Variants in LRP12 observed in about 807,000 individuals in gnomAD.
LRP12 encodes LDL receptor related protein 12, also known as low-density lipoprotein receptor-related protein 12.
In LRP12, 14 loss-of-function variants were observed where a neutral mutation model predicts 66.0. That is an observed-to-expected ratio of 0.21 (90% CI 0.14 to 0.33). The LOEUF (loss-of-function observed/expected upper bound fraction) is 0.33. Ranked by LOEUF, LRP12 falls within the 10% of genes least tolerant of loss-of-function variation. The pLI is 1.00. For synonymous variants in LRP12, 357 were observed against 359.1 expected (o/e 0.99, Z 0.07); for missense variants, 889 against 1,053.4 (o/e 0.84, Z 2.16).
intron 2 of LRP12, among the ~76,000 whole-genome samples, chr8:104,523,993 A>G (rs1264811983): frequency 6.6e-6 from 1 of 152,044 alleles, no homozygotes; most frequent in East Asian, 1.9e-4. Context: ...CACCTGTAAT[A>G]CCAGCACTTT....
In LRP12 at chr8:104,491,211, G is replaced by A; in HGVS notation, c.2042C>T (p.Pro681Leu). ...VAAPLPQKVP[P>L]TTAVEATVGA... ...TACTGTCGCTTCTACTGCCGTTGTG[G>A]GAGGGACTTTTTGAGGCAAAGGAGC... Residue 681 changes from proline (P) to leucine (L), a missense_variant, in exon 7 of 7, where the codon CCC becomes CTC. Pro to Leu is a moderately conservative substitution (Grantham distance 98). Transcript: ENST00000276654. 3 of 1,614,052 alleles carry A rather than the reference G, an allele frequency of 1.9e-6. No homozygotes were observed. The highest frequency in any genetic ancestry group is 2.5e-6 in the Non-Finnish European group (3 of 1,180,014).
At chr8:104,524,166 C>T (rs1414033141) in intron 2 of LRP12, among the ~76,000 whole-genome samples, 1 of 149,626 alleles carries the variant, frequency 6.7e-6, no homozygotes, top group East Asian at 2.0e-4. Flanking sequence ...GGCTTGAGCC[C>T]AGGAGGTGGA....
intron 1 of LRP12, among the ~76,000 whole-genome samples, chr8:104,544,775 T>C (rs1000718495): frequency 3.9e-5 from 6 of 152,136 alleles, no homozygotes; most frequent in Admixed American, 3.9e-4. Flanking sequence ...TGCTGGCAAT[T>C]CACCTGGTCA....
chr8:104,512,186 G>A (rs892606181), intron 2 of LRP12, among the ~76,000 whole-genome samples: 13 of 152,040 alleles, frequency 8.6e-5, no homozygotes, highest in Non-Finnish European at 2.9e-5. Flanking sequence ...GTGTGGTGGC[G>A]TGCACCTGTA....
rs28718437 is a variant in LRP12, at chr8:104,509,878, T to C, written c.137-804A>G. ...AGTTAAGATGGAAAAGGCATTAAAC[T>C]GGACAGCAATCAGGTTTGGTACTCT... On this transcript the variant is annotated intron_variant, in intron 2 of 6. Transcript: ENST00000276654. 5.5e-3 allele frequency among the ~76,000 whole-genome samples: 836 copies of C among 152,326 alleles called. 1 individual carries two copies. Among genetic ancestry groups the C allele is most frequent in the African/African-American group, 0.019 (772 of 41,578 alleles).
At chr8:104,492,032 C>T (rs1166440068) in intron 6 of LRP12, among the ~76,000 whole-genome samples, 4 of 151,266 alleles carry the variant, frequency 2.6e-5, no homozygotes, top group Non-Finnish European at 5.9e-5. Context: ...TTTTCCAAAA[C>T]ATGTGAAAAT....
At chr8:104,521,310 C>G (rs1211288365) in intron 2 of LRP12, among the ~76,000 whole-genome samples, 1 of 151,464 alleles carries the variant, frequency 6.6e-6, no homozygotes, top group Non-Finnish European at 1.5e-5. Flanking sequence ...TTGGGATAGT[C>G]AACCTGTAAT....
chr8:104,536,928 A>T (rs1204512489), intron 1 of LRP12, among the ~76,000 whole-genome samples: 1 of 152,086 alleles, frequency 6.6e-6, no homozygotes, highest in Non-Finnish European at 1.5e-5. Flanking sequence ...GTTGGAAGAC[A>T]TGGCAGAAGA....
chr8:104,573,811 A>G (rs1057042611), intron 1 of LRP12, among the ~76,000 whole-genome samples: 26 of 152,016 alleles, frequency 1.7e-4, no homozygotes, highest in Admixed American at 1.5e-3. Context: ...CAAGCAGAAG[A>G]AGAGGGAGGT....
intron 3 of LRP12, chr8:104,506,346 G>A (rs767943355): frequency 2.2e-4 from 33 of 152,054 alleles, no homozygotes; most frequent in Non-Finnish European, 4.4e-4. Context: ...GTAAATTTGA[G>A]TTCCAACTTA....
At chr8:104,548,558 TATAG>T (rs1564142449) in intron 1 of LRP12, among the ~76,000 whole-genome samples, 1 of 128,510 alleles carries the variant, frequency 7.8e-6, no homozygotes, top group African/African-American at 3.2e-5. Context: ...TTGTATATGA[TATAG>T]AATTATAATT....
intron 1 of LRP12, among the ~76,000 whole-genome samples, chr8:104,571,147 C>T (rs554693711): frequency 9.5e-4 from 145 of 152,266 alleles, no homozygotes; most frequent in African/African-American, 2.8e-3. Flanking sequence ...CTCTGGAAAA[C>T]GGTTTGGTAG....
intron 1 of LRP12, among the ~76,000 whole-genome samples, chr8:104,552,616 T>A (rs970539206): frequency 1.3e-5 from 2 of 152,200 alleles, no homozygotes; most frequent in African/African-American, 4.8e-5. Context: ...AAGTACTATC[T>A]TCCAGTTAAC....
At chr8:104,521,306 T>G (rs899739974) in intron 2 of LRP12, among the ~76,000 whole-genome samples, 6 of 151,826 alleles carry the variant, frequency 4.0e-5, no homozygotes, top group African/African-American at 1.4e-4. Context: ...AGATTTGGGA[T>G]AGTCAACCTG....
intron 1 of LRP12, among the ~76,000 whole-genome samples, chr8:104,583,048 T>A (rs531125261): frequency 6.6e-6 from 1 of 152,198 alleles, no homozygotes; most frequent in East Asian, 1.9e-4. Context: ...CACTCCTTTA[T>A]CTCCACTACT....
At chr8:104,546,773 T>C (rs1054578602) in intron 1 of LRP12, among the ~76,000 whole-genome samples, 31 of 151,514 alleles carry the variant, frequency 2.0e-4, no homozygotes, top group Admixed American at 2.0e-4. Context: ...TGACCTCTTT[T>C]AGAAGAGGCA....
intron 1 of LRP12, among the ~76,000 whole-genome samples, chr8:104,537,698 C>T (rs1314421668): frequency 6.6e-6 from 1 of 152,092 alleles, no homozygotes; most frequent in African/African-American, 2.4e-5. Flanking sequence ...GAAAACAGTT[C>T]TTTCAAGATG....
At chr8:104,556,594 A>G (rs1473185242) in intron 1 of LRP12, among the ~76,000 whole-genome samples, 1 of 152,202 alleles carries the variant, frequency 6.6e-6, no homozygotes, top group Non-Finnish European at 1.5e-5. Flanking sequence ...TGAACAGATC[A>G]ATAACAAGCA....
chr8:104,530,912 T>A (rs766704168), intron 2 of LRP12, among the ~76,000 whole-genome samples: 1 of 152,102 alleles, frequency 6.6e-6, no homozygotes, highest in Non-Finnish European at 1.5e-5. Context: ...AAACAAACTA[T>A]GAAAAAAAAT....
Sources: allele counts gnomAD v4.1 joint callset (sites outside exome capture counted in the v4.1 genomes callset), GRCh38; gene constraint gnomAD v4.1.1; transcripts MANE v1.5; gene names NCBI Gene and HGNC (gene_info 2026-07-23, HGNC 2026-07-21).